Variants in FN3K observed in about 807,000 individuals in gnomAD.
FN3K encodes the protein fructosamine 3 kinase.
A neutral mutation model predicts 24.8 loss-of-function variants in FN3K; 24 were observed. The observed-to-expected ratio is 0.97, with a 90% CI of 0.70 to 1.36. The LOEUF (loss-of-function observed/expected upper bound fraction) is 1.36, where lower values mean the gene tolerates loss of function less well. FN3K is among the 40% of genes most tolerant of loss of function. The pLI is 0.00. For synonymous variants in FN3K, 192 were observed against 175.2 expected, an observed-to-expected ratio of 1.10 and a Z score of -0.76; for missense variants, 449 against 416.7, an observed-to-expected ratio of 1.08 and a Z score of -0.67.
At chr17:82,738,887 T>G (rs1347437498) in intron 2 of FN3K, among the ~76,000 whole-genome samples, 1 of 149,482 alleles carries the variant, frequency 6.7e-6, no homozygotes, top group Non-Finnish European at 1.5e-5. Flanking sequence ...TAGATAAGTT[T>G]GGCTGTAATG....
At chr17:82,738,941 TA>T (rs1442723613) in intron 2 of FN3K, among the ~76,000 whole-genome samples, 1,344 of 99,890 alleles carry the variant, frequency 0.013, 43 homozygotes, top group Middle Eastern at 0.03. Flanking sequence ...TATATATATA[TA>T]TATATTTTTT....
At position 82,750,404 on chromosome 17, in the gene FN3K, G is replaced by A. The variant is rs145609047; in HGVS notation, c.592-13G>A. On this transcript the variant is annotated splice_polypyrimidine_tract_variant and intron_variant, in intron 5 of 5. Transcript: ENST00000300784. The stretch of plus-strand genomic sequence containing the variant: ...CCAGAGGCCAGCGATAACTGCAGCC[G>A]TTGCTCTCGTAGGTGAAGATCCCGG... 2.8e-4 allele frequency: 458 copies of A among 1,612,274 alleles called. 3 individuals carry two copies. The East Asian group carries it at 9.9e-3, about 35-fold the overall frequency.
intron 1 of FN3K, 168 bp downstream of exon 1, chr17:82,735,945 G>T (rs1036423165): frequency 4.4e-5 from 38 of 859,170 alleles, no homozygotes; most frequent in Non-Finnish European, 6.2e-5. Flanking sequence ...TTCTGTGAAG[G>T]TTTGTGTCTG....
rs936750557 is a variant in FN3K, at chr17:82,735,871, C to T, written c.141+94C>T. The T allele has an allele frequency of 4.0e-6, 6 of 1,493,536 alleles. No individual in the cohort carries two copies. The Admixed American group carries it at 8.0e-5, about 20-fold the overall frequency. The allele number at this position is 1,493,536 out of a possible 1,614,324, so 92.5% of individuals were successfully genotyped here. A position where few individuals can be genotyped will look rare whatever the true frequency, so the allele number is the denominator to read the frequency against. On this transcript the variant is annotated intron_variant, in intron 1 of 5. Coordinates refer to ENST00000300784, the MANE Select transcript of FN3K (RefSeq NM_022158.4). ...GGCAGGCGCATTTCCTGGGGCTGGG[C>T]CTGGGGAGGGGTCAGCTTTGGCCCT...
chr17:82,738,329 T>C (rs1375436265), intron 1 of FN3K, 160 bp from the exon 2 acceptor site: 1 of 934,524 alleles, frequency 1.1e-6, no homozygotes, highest in African/African-American at 1.6e-5. Flanking sequence ...GGGGCCCCTC[T>C]GCACCCTGCC....
chr17:82,749,918 T>G, intron 5 of FN3K: 1 of 172,186 alleles, frequency 5.8e-6, no homozygotes, highest in Non-Finnish European at 1.2e-5. Flanking sequence ...ATTAGCCGGG[T>G]GTAGTGGCGG....
chr17:82,744,341 A>G (rs1438981451), intron 4 of FN3K, among the ~76,000 whole-genome samples: 1 of 152,192 alleles, frequency 6.6e-6, no homozygotes. Context: ...AATTTGGTAC[A>G]TTTTGATGTT....
At chr17:82,744,124 C>T (rs1401248123) in intron 4 of FN3K, among the ~76,000 whole-genome samples, 6 of 152,132 alleles carry the variant, frequency 3.9e-5, no homozygotes, top group Non-Finnish European at 7.3e-5. Flanking sequence ...TTCCATCCTG[C>T]TCTTGAGGTG....
rs138396544 is a variant in FN3K at position 82,738,703 on chromosome 17, C to G, written c.293+63C>G. The G allele has an allele frequency of 3.8e-4, 596 of 1,586,604 alleles. 1 individual carries two copies. The African/African-American group carries it at 7.3e-3, about 19-fold the overall frequency. The stretch of plus-strand genomic sequence containing the variant: ...AGGCAGAGAGAGACTCAGAGACAAA[C>G]AGAGAGAGACAGAGAAAGGGATAGA... On this transcript the variant is annotated intron_variant, in intron 2 of 5. Coordinates refer to ENST00000300784, the MANE Select transcript of FN3K (RefSeq NM_022158.4).
At chr17:82,747,425 G>A (rs1220649855) in intron 4 of FN3K, among the ~76,000 whole-genome samples, 5 of 152,196 alleles carry the variant, frequency 3.3e-5, no homozygotes, top group South Asian at 2.1e-4. Flanking sequence ...TTTCTGAGAC[G>A]GAGTCTTGCT....
intron 4 of FN3K, among the ~76,000 whole-genome samples, chr17:82,743,827 C>G (rs1178244676): frequency 6.6e-6 from 1 of 152,238 alleles, no homozygotes. Context: ...CAGGCCCTGA[C>G]CATGACGCAG....
chr17:82,736,177 T>A (rs1420287885), intron 1 of FN3K: 2 of 215,792 alleles, frequency 9.3e-6, no homozygotes, highest in Non-Finnish European at 1.9e-5. Context: ...AGCGTTCTCC[T>A]TCCCACAGGC....
chr17:82,738,941 TATATA>T (rs1177677628), intron 2 of FN3K, among the ~76,000 whole-genome samples: 26 of 99,948 alleles, frequency 2.6e-4, no homozygotes, highest in Middle Eastern at 5.0e-3. Flanking sequence ...TATATATATA[TATATA>T]TTTTTTTTTT....
intron 2 of FN3K, among the ~76,000 whole-genome samples, chr17:82,739,572 C>T (rs1283030768): frequency 2.6e-5 from 4 of 151,784 alleles, no homozygotes; most frequent in Non-Finnish European, 4.4e-5. Context: ...ATTCTCCTGC[C>T]TCAGCCTCCC....
At chr17:82,738,307 C>G in intron 1 of FN3K, 182 bp from the exon 2 acceptor site, 1 of 645,698 alleles carries the variant, frequency 1.5e-6, no homozygotes. Context: ...TGCAGCCTCT[C>G]GTCTCCGACG....
In FN3K at chr17:82,738,594, G is replaced by A. The variant is rs1010509742; in HGVS notation, c.247G>A (p.Gly83Arg). The A allele has an allele frequency of 1.9e-6, 3 of 1,613,954 alleles. No individual in the cohort carries two copies. Among genetic ancestry groups the A allele is most frequent in the African/African-American group, 1.3e-5 (1 of 74,932 alleles). The change falls in exon 2 of 6, where the codon GGG (glycine) becomes AGG (arginine). Residue 83 changes from glycine to arginine, a missense_variant. Transcript: ENST00000300784. ...GAAGGTCATCGACCTGCCGGGAGGT[G>A]GGGCCGCCTTTGTGATGGAGCATTT... ...PMKVIDLPGGGAAFVMEHLKM... is the reference protein window; with the variant it reads ...PMKVIDLPGGRAAFVMEHLKM...
chr17:82,741,608 TC>T (rs948694079), intron 4 of FN3K: 1 of 526,848 alleles, frequency 1.9e-6, no homozygotes, highest in African/African-American at 1.9e-5. Context: ...GGCAGGCAGA[TC>T]AGCATTCCAA....
At chr17:82,737,191 G>T (rs989931757) in intron 1 of FN3K, among the ~76,000 whole-genome samples, 1 of 152,214 alleles carries the variant, frequency 6.6e-6, no homozygotes. Flanking sequence ...AGGAAAGGGC[G>T]TTCTGTTCGT....
Position 82,748,986 on chromosome 17 carries a change from G to A in FN3K, c.591+9G>A, listed in dbSNP as rs757500126. ...TCTGGTCCCGGCTACAGGTGGGCAC[G>A]GCAGTGACTTCTCTGGGAAAGAGCT... is the stretch of plus-strand genomic sequence containing the variant. On this transcript the variant is annotated intron_variant, in intron 5 of 5. Coordinates refer to ENST00000300784, the MANE Select transcript of FN3K (RefSeq NM_022158.4). 8.7e-6 allele frequency: 14 copies of A among 1,613,974 alleles called. No individual in the cohort carries two copies. Among genetic ancestry groups the A allele is most frequent in the East Asian group, 6.7e-5 (3 of 44,894 alleles).
Sources: allele counts gnomAD v4.1 joint callset (sites outside exome capture counted in the v4.1 genomes callset), GRCh38; gene constraint gnomAD v4.1.1; transcripts MANE v1.5; gene names NCBI Gene and HGNC (gene_info 2026-07-23, HGNC 2026-07-21).